Variants in ERBB4 observed in about 807,000 individuals in gnomAD.
ERBB4 encodes the protein receptor tyrosine-protein kinase erbB-4.
A neutral mutation model predicts 158.0 loss-of-function variants in ERBB4; 42 were observed. That is an observed-to-expected ratio of 0.27 (90% CI 0.21 to 0.34). ERBB4 has a LOEUF of 0.34. ERBB4 is among the 10% of genes least tolerant of loss of function. The probability of loss-of-function intolerance (pLI) is 1.00; values close to 1 mark genes in which losing one functional copy is unlikely to be tolerated. For missense variants in ERBB4, 1,333 were observed against 1,624.1 expected (o/e 0.82, Z 3.08); for synonymous variants, 583 against 558.7 (o/e 1.04, Z -0.61).
At chr2:212,507,453 A>G (rs1469738107) in intron 1 of ERBB4, among the ~76,000 whole-genome samples, 1 of 152,184 alleles carries the variant, frequency 6.6e-6, no homozygotes. Context: ...GATGGAACTG[A>G]GCAAAGTAAA....
intron 3 of ERBB4, among the ~76,000 whole-genome samples, chr2:211,868,481 A>C (rs2078263561): frequency 6.6e-6 from 1 of 152,192 alleles, no homozygotes; most frequent in Non-Finnish European, 1.5e-5. Context: ...GCTCTTATAA[A>C]CCTTTTAAAC....
intron 1 of ERBB4, among the ~76,000 whole-genome samples, chr2:212,519,840 T>C (rs1284400352): frequency 6.6e-6 from 1 of 151,934 alleles, no homozygotes; most frequent in Admixed American, 6.6e-5. Flanking sequence ...AATAAAGTTC[T>C]AGTGTTCTGT....
intron 3 of ERBB4, among the ~76,000 whole-genome samples, chr2:211,817,080 C>T (rs1053626167): frequency 6.6e-6 from 1 of 152,148 alleles, no homozygotes; most frequent in Non-Finnish European, 1.5e-5. Flanking sequence ...AAGTGCATTG[C>T]CTTTGTTTGA....
At chr2:211,787,147 A>G (rs902638532) in intron 4 of ERBB4, among the ~76,000 whole-genome samples, 2 of 152,184 alleles carry the variant, frequency 1.3e-5, no homozygotes, top group African/African-American at 4.8e-5. Flanking sequence ...AATATAGCAA[A>G]TAATTATTGA....
chr2:212,267,144 T>G (rs866639486), intron 1 of ERBB4, among the ~76,000 whole-genome samples: 1 of 152,008 alleles, frequency 6.6e-6, no homozygotes, highest in Non-Finnish European at 1.5e-5. Context: ...TTCAGTTGCC[T>G]CTTGCTCAAC....
intron 1 of ERBB4, among the ~76,000 whole-genome samples, chr2:212,510,004 G>T (rs1162299797): frequency 1.3e-5 from 2 of 151,410 alleles, no homozygotes; most frequent in East Asian, 3.9e-4. Context: ...TTATCAATTA[G>T]AAACATTTTA....
chr2:211,548,121 T>C (rs2066989026), intron 20 of ERBB4, among the ~76,000 whole-genome samples: 3 of 152,118 alleles, frequency 2.0e-5, no homozygotes, highest in African/African-American at 4.8e-5. Context: ...TCTGGTAGTA[T>C]AGAGATTCTC....
At chr2:211,540,704 T>C (rs770071527) in intron 20 of ERBB4, among the ~76,000 whole-genome samples, 1 of 150,248 alleles carries the variant, frequency 6.7e-6, no homozygotes, top group Non-Finnish European at 1.5e-5. Flanking sequence ...TAAGCTGAGT[T>C]TTAAATCCTG....
At chr2:211,536,015 G>A (rs562827013) in intron 20 of ERBB4, among the ~76,000 whole-genome samples, 1 of 151,714 alleles carries the variant, frequency 6.6e-6, no homozygotes, top group African/African-American at 2.4e-5. Flanking sequence ...CTGGAAAAGC[G>A]AATGGGAACA....
chr2:211,830,413 C>A (rs559797265), intron 3 of ERBB4, among the ~76,000 whole-genome samples: 1 of 152,082 alleles, frequency 6.6e-6, no homozygotes, highest in Non-Finnish European at 1.5e-5. Flanking sequence ...CCTATGACAC[C>A]CTTTCTTTAT....
At chr2:211,894,300 C>G (rs1194482780) in intron 3 of ERBB4, among the ~76,000 whole-genome samples, 6 of 147,832 alleles carry the variant, frequency 4.1e-5, no homozygotes, top group East Asian at 2.0e-4. Flanking sequence ...TCTCAGTAAA[C>G]TATCACAAGA....
chr2:212,136,642 T>A (rs2080280078), intron 1 of ERBB4, among the ~76,000 whole-genome samples: 1 of 152,218 alleles, frequency 6.6e-6, no homozygotes, highest in African/African-American at 2.4e-5. Flanking sequence ...ATGAGTATGC[T>A]TGCAGTGGTG....
At chr2:212,121,163 T>G (rs2079735641) in intron 2 of ERBB4, among the ~76,000 whole-genome samples, 1 of 152,210 alleles carries the variant, frequency 6.6e-6, no homozygotes, top group Non-Finnish European at 1.5e-5. Context: ...GTAAGAAAAG[T>G]AACTACTAAT....
intron 21 of ERBB4, among the ~76,000 whole-genome samples, chr2:211,430,587 G>T (rs2063726966): frequency 6.6e-6 from 1 of 152,056 alleles, no homozygotes; most frequent in African/African-American, 2.4e-5. Context: ...TAGATCAGTG[G>T]GACAATTTCT....
chr2:211,441,622 G>A (rs2063978376), intron 20 of ERBB4, among the ~76,000 whole-genome samples: 1 of 152,098 alleles, frequency 6.6e-6, no homozygotes, highest in Non-Finnish European at 1.5e-5. Context: ...AGCTCCTGTG[G>A]AAATGCTGAT....
intron 7 of ERBB4, among the ~76,000 whole-genome samples, chr2:211,720,147 C>A (rs2074048303): frequency 6.6e-6 from 1 of 152,132 alleles, no homozygotes; most frequent in South Asian, 2.1e-4. Context: ...TCCCGGTAAC[C>A]GATGCATTTT....
chr2:211,756,514 T>C lies in ERBB4; in HGVS notation c.557-5810A>G, dbSNP rs144714631. On this transcript the variant is annotated intron_variant, in intron 4 of 27. Transcript: ENST00000342788. ...TAAACAGTTTGGAGTTTACTCTGTG[T>C]GTGTATTATGGAGTTTAATGGGTAT... Among the ~76,000 whole-genome samples the C allele has an allele frequency of 1.0e-3, 156 of 152,280 alleles. 2 individuals carry two copies. The highest frequency in any genetic ancestry group is 2.6e-4 in the Non-Finnish European group (18 of 68,026).
intron 1 of ERBB4, among the ~76,000 whole-genome samples, chr2:212,377,893 T>C (rs1459548919): frequency 1.3e-5 from 2 of 151,970 alleles, no homozygotes; most frequent in Non-Finnish European, 2.9e-5. Context: ...ACAAGCACAT[T>C]GTACAGCTGT....
chr2:211,472,348 T>C (rs961765557), intron 20 of ERBB4, among the ~76,000 whole-genome samples: 2 of 149,800 alleles, frequency 1.3e-5, no homozygotes, highest in African/African-American at 4.9e-5. Flanking sequence ...ATTGATATGA[T>C]AAAAGTCAAA....
Sources: gnomAD v4.1 joint callset for allele counts (sites outside exome capture counted in the v4.1 genomes callset) on GRCh38, gnomAD v4.1.1 for gene constraint, MANE v1.5 for transcripts, NCBI Gene and HGNC (gene_info 2026-07-23, HGNC 2026-07-21) for gene names.